The following MARCHF8 variants were observed in gnomAD, a reference collection of about 807,000 sequenced individuals.
MARCHF8 encodes E3 ubiquitin-protein ligase MARCHF8.
MARCHF8 carries 40 observed loss-of-function variants against 51.6 expected under a neutral mutation model. That is an observed-to-expected ratio of 0.77 (90% CI 0.60 to 1.01). The LOEUF is 1.01. MARCHF8 is among the 50% of genes least tolerant of loss of function. The pLI, the probability that MARCHF8 is intolerant of heterozygous loss-of-function variation, is 0.00. For synonymous variants in MARCHF8, 263 were observed against 280.3 expected (o/e 0.94, Z 0.62); for missense variants, 685 against 708.6 (o/e 0.97, Z 0.38).
intron 1 of MARCHF8, among the ~76,000 whole-genome samples, chr10:45,571,991 G>A (rs1047207453): frequency 7.9e-5 from 12 of 152,212 alleles, no homozygotes; most frequent in Admixed American, 3.3e-4. Context: ...TTATCACCGC[G>A]GGGACGCCTG....
intron 1 of MARCHF8, among the ~76,000 whole-genome samples, chr10:45,574,434 A>G (rs528182158): frequency 5.3e-5 from 8 of 152,032 alleles, no homozygotes; most frequent in African/African-American, 1.9e-4. Context: ...TCCACAACCC[A>G]TTATTCTGTT....
chr10:45,464,299 G>C lies in MARCHF8; in HGVS notation c.182C>G (p.Pro61Arg), dbSNP rs149961802. Residue 61 changes from proline (P) to arginine (R), a missense_variant, in exon 4 of 8, where the codon CCG (proline) becomes CGG (arginine). By Grantham distance (103) the Pro-to-Arg change is moderately radical (BLOSUM62 -2). Transcript: ENST00000453424. ...GCGAGAGAAGGAGGACACCGGAGCCGGAGCTGATGCTGACGGAGGACTCCC... is the reference window on the plus strand; with the variant it reads ...GCGAGAGAAGGAGGACACCGGAGCCCGAGCTGATGCTGACGGAGGACTCCC... ...KAGSPPSASAPAPVSSFSRTS... is the reference protein window; with the variant it reads ...KAGSPPSASARAPVSSFSRTS... 1 of 1,614,088 alleles carries C rather than the reference G, an allele frequency of 6.2e-7. No individual in the cohort carries two copies. The highest frequency in any genetic ancestry group is 1.1e-5 in the South Asian group (1 of 91,086).
At chr10:45,506,323 G>C (rs1448625595) in intron 2 of MARCHF8, among the ~76,000 whole-genome samples, 1 of 152,168 alleles carries the variant, frequency 6.6e-6, no homozygotes, top group Non-Finnish European at 1.5e-5. Context: ...TCAATATTAA[G>C]TATAAGCATA....
At chr10:45,518,108 G>C (rs1475887485) in intron 2 of MARCHF8, among the ~76,000 whole-genome samples, 3 of 152,174 alleles carry the variant, frequency 2.0e-5, no homozygotes, top group African/African-American at 7.2e-5. Flanking sequence ...CGTATCTCAG[G>C]TGTCTCATAA....
In MARCHF8 at chr10:45,459,029, G is replaced by A. The variant is rs143521710; in HGVS notation, c.1417+91C>T. Reference sequence around the variant, plus strand: ...ATGTCCCTCCTCCGGAAACCCAGACGTTTTTGGCTAACTGGAAAATCCTCT... The same window carrying A: ...ATGTCCCTCCTCCGGAAACCCAGACATTTTTGGCTAACTGGAAAATCCTCT... On this transcript the variant is annotated intron_variant, in intron 7 of 7. Coordinates refer to ENST00000453424, the MANE Select transcript of MARCHF8 (RefSeq NM_001282866.2). 3.6e-4 allele frequency: 555 copies of A among 1,544,304 alleles called. 1 individual carries two copies. The highest frequency in any genetic ancestry group is 4.0e-4 in the Non-Finnish European group (455 of 1,138,672).
chr10:45,488,904 G>A (rs1276047913), intron 3 of MARCHF8, among the ~76,000 whole-genome samples: 1 of 152,052 alleles, frequency 6.6e-6, no homozygotes, highest in Non-Finnish European at 1.5e-5. Flanking sequence ...GTCCATGCGG[G>A]TTACACAGTG....
At chr10:45,573,090 T>C (rs911714145) in intron 1 of MARCHF8, among the ~76,000 whole-genome samples, 1 of 152,158 alleles carries the variant, frequency 6.6e-6, no homozygotes, top group African/African-American at 2.4e-5. Flanking sequence ...AGTTAGCGTT[T>C]AGGCTCTTTT....
intron 1 of MARCHF8, among the ~76,000 whole-genome samples, chr10:45,545,170 TTTAA>T (rs1324975287): frequency 6.6e-6 from 1 of 152,218 alleles, no homozygotes; most frequent in African/African-American, 2.4e-5. Context: ...TATTGAGTTC[TTTAA>T]TTAATGACTT....
chr10:45,547,451 A>G (rs2044141095), intron 1 of MARCHF8, among the ~76,000 whole-genome samples: 1 of 152,132 alleles, frequency 6.6e-6, no homozygotes, highest in Non-Finnish European at 1.5e-5. Context: ...AGAAGGTGTC[A>G]ACAAAAAGTT....
At chr10:45,483,623 T>G (rs1396924673) in intron 3 of MARCHF8, among the ~76,000 whole-genome samples, 1 of 152,236 alleles carries the variant, frequency 6.6e-6, no homozygotes, top group African/African-American at 2.4e-5. Context: ...ACTCCCATGT[T>G]TATTGTAGCA....
intron 3 of MARCHF8, among the ~76,000 whole-genome samples, chr10:45,465,715 A>C (rs1589077588): frequency 1.3e-5 from 2 of 152,342 alleles, no homozygotes; most frequent in African/African-American, 4.8e-5. Flanking sequence ...AACAAGATCC[A>C]AGAAGCTCTC....
At position 45,454,670 on chromosome 10, in the gene MARCHF8, G is replaced by A. The variant is rs1444455158; in HGVS notation, c.*3569C>T. 6.6e-6 allele frequency: 1 copy of A among 152,146 alleles called. No homozygotes were observed. Among genetic ancestry groups the A allele is most frequent in the African/African-American group, 2.4e-5 (1 of 41,418 alleles). 9.4% of individuals were successfully genotyped at this position (152,146 alleles called of 1,614,324 possible). On this transcript the variant is annotated 3_prime_UTR_variant, in exon 8 of 8. Transcript: ENST00000453424. ...CCCTGTACAGAGAATTATTCAAGTG[G>A]TAATACTGAGAAACAGTGAACACAC...
chr10:45,557,288 C>G (rs1206872487), intron 1 of MARCHF8, among the ~76,000 whole-genome samples: 1 of 151,858 alleles, frequency 6.6e-6, no homozygotes, highest in Admixed American at 6.6e-5. Context: ...GCCATCACGC[C>G]TGGCTAACTT....
At chr10:45,594,001 G>T (rs575314503) in intron 1 of MARCHF8, among the ~76,000 whole-genome samples, 1 of 152,056 alleles carries the variant, frequency 6.6e-6, no homozygotes, top group Non-Finnish European at 1.5e-5. Flanking sequence ...GGCAGAAAAG[G>T]GTTCCATTTT....
intron 2 of MARCHF8, among the ~76,000 whole-genome samples, chr10:45,520,159 G>A (rs2043684146): frequency 6.6e-6 from 1 of 152,142 alleles, no homozygotes; most frequent in Non-Finnish European, 1.5e-5. Flanking sequence ...TACTTCAAAG[G>A]GTTGCTGTAA....
chr10:45,523,658 GAGTAGTGACAACCA>G (rs1306823847), intron 2 of MARCHF8, among the ~76,000 whole-genome samples: 1 of 152,178 alleles, frequency 6.6e-6, no homozygotes, highest in Admixed American at 6.5e-5. Flanking sequence ...AGCTATAAGA[GAGTAGTGACAACCA>G]AGAAATCATA....
chr10:45,536,733 C>T (rs1281914960), upstream of MARCHF8, among the ~76,000 whole-genome samples: 5 of 151,612 alleles, frequency 3.3e-5, no homozygotes, highest in East Asian at 1.9e-4. Flanking sequence ...AAGTAGCTCA[C>T]GCCTATCATC....
chr10:45,546,772 A>G (rs2133325108), intron 1 of MARCHF8, among the ~76,000 whole-genome samples: 1 of 147,332 alleles, frequency 6.8e-6, no homozygotes, highest in East Asian at 2.0e-4. Context: ...ACAGGAGGAG[A>G]ACCTGTCTCA....
In MARCHF8 at chr10:45,584,126, CATATATATATATATATATATATATAT is replaced by C. The variant is rs55978063; in HGVS notation, c.-79+10083_-79+10108del. Among the ~76,000 whole-genome samples, 28 of 85,360 alleles carry C rather than the reference CATATATATATATATATATATATATAT, an allele frequency of 3.3e-4. 1 individual carries two copies. The East Asian group carries it at 4.1e-3, about 12-fold the overall frequency. 56.0% of individuals were successfully genotyped at this position (85,360 alleles called of 152,430 possible). A position where few individuals can be genotyped will look rare whatever the true frequency, so the allele number is the denominator to read the frequency against. ...TAGATTCTACCAACATATATACAAT[CATATATATATATATATATATATATAT>C]ATATATATATATATATCAAGAAATT... On this transcript the variant is annotated intron_variant, in intron 1 of 6. Transcript: ENST00000319836.
Sources: allele counts gnomAD v4.1 joint callset (sites outside exome capture counted in the v4.1 genomes callset), GRCh38; gene constraint gnomAD v4.1.1; transcripts MANE v1.5; gene names NCBI Gene and HGNC (gene_info 2026-07-23, HGNC 2026-07-21).